FSTL5: variants seen among roughly 807,000 people sequenced by gnomAD.
The protein encoded by FSTL5 is follistatin-related protein 5.
A neutral mutation model predicts 89.1 loss-of-function variants in FSTL5; 62 were observed. That is an observed-to-expected ratio of 0.70 (90% CI 0.57 to 0.86). The LOEUF (loss-of-function observed/expected upper bound fraction) is 0.86, where lower values mean the gene tolerates loss of function less well. FSTL5 is among the 40% of genes least tolerant of loss of function. FSTL5 has a pLI of 0.00. For missense variants in FSTL5, 1,057 were observed against 1,001.6 expected (o/e 1.06, Z -0.75); for synonymous variants, 383 against 346.2 (o/e 1.11, Z -1.18).
intron 7 of FSTL5, among the ~76,000 whole-genome samples, chr4:161,655,912 A>G (rs1736498154): frequency 6.6e-6 from 1 of 152,132 alleles, no homozygotes; most frequent in Non-Finnish European, 1.5e-5. Flanking sequence ...CACATTTCCT[A>G]TTGATGGCAT....
intron 4 of FSTL5, among the ~76,000 whole-genome samples, chr4:161,793,340 C>T (rs1729536507): frequency 6.6e-6 from 1 of 152,198 alleles, no homozygotes; most frequent in Non-Finnish European, 1.5e-5. Flanking sequence ...ACCATGGCAA[C>T]AGAGGTTTCC....
chr4:161,445,314 T>C (rs2126377621), intron 15 of FSTL5, among the ~76,000 whole-genome samples: 1 of 152,028 alleles, frequency 6.6e-6, no homozygotes, highest in Admixed American at 6.6e-5. Context: ...AAATTGTCAT[T>C]CATTTACTTC....
intron 1 of FSTL5, among the ~76,000 whole-genome samples, chr4:162,155,961 C>T (rs1223640553): frequency 6.6e-6 from 1 of 152,088 alleles, no homozygotes; most frequent in Non-Finnish European, 1.5e-5. Flanking sequence ...AACACAGTGG[C>T]ATTTTAAAGC....
In FSTL5 at chr4:161,385,673, G is replaced by A. The variant is rs181618554; in HGVS notation, c.*74C>T. On this transcript the variant is annotated 3_prime_UTR_variant, in exon 16 of 16. Transcript: ENST00000306100. The stretch of plus-strand genomic sequence containing the variant: ...CTAGGATATAAACTTGGAAAGTTAA[G>A]TTGTAAATTTAAACAATGGATTAAG... The A allele has an allele frequency of 1.8e-5, 21 of 1,136,094 alleles. No individual in the cohort carries two copies. The East Asian group carries it at 4.0e-4, about 22-fold the overall frequency. The allele number at this position is 1,136,094 out of a possible 1,614,324, so 70.4% of individuals were successfully genotyped here.
chr4:161,895,203 T>C (rs1158495286), intron 4 of FSTL5, among the ~76,000 whole-genome samples: 1 of 152,198 alleles, frequency 6.6e-6, no homozygotes, highest in Admixed American at 6.5e-5. Context: ...TTTTAGCCAC[T>C]TAACTACACT....
intron 4 of FSTL5, among the ~76,000 whole-genome samples, chr4:161,807,002 T>C (rs1729989096): frequency 6.6e-6 from 1 of 151,990 alleles, no homozygotes. Context: ...AATGAATGAG[T>C]ACAGTAATGA....
chr4:161,852,468 C>G (rs1412165720), intron 4 of FSTL5, among the ~76,000 whole-genome samples: 1 of 152,084 alleles, frequency 6.6e-6, no homozygotes, highest in Non-Finnish European at 1.5e-5. Flanking sequence ...ACAACTGATT[C>G]TGGTGAAGTG....
chr4:161,567,177 T>A (rs1732847398), intron 8 of FSTL5, among the ~76,000 whole-genome samples: 1 of 152,124 alleles, frequency 6.6e-6, no homozygotes, highest in Non-Finnish European at 1.5e-5. Flanking sequence ...TTAAACATAA[T>A]ATGGAAGAAA....
intron 4 of FSTL5, among the ~76,000 whole-genome samples, chr4:161,805,215 A>C (rs1316640682): frequency 1.3e-5 from 2 of 152,140 alleles, no homozygotes; most frequent in African/African-American, 4.8e-5. Flanking sequence ...TACCAAGGGC[A>C]TTCCTGATAC....
chr4:162,137,571 C>T (rs961734157), intron 1 of FSTL5, among the ~76,000 whole-genome samples: 23 of 152,036 alleles, frequency 1.5e-4, no homozygotes, highest in Non-Finnish European at 1.5e-4. Context: ...CTTTTTTGCC[C>T]GAATGACTAG....
At chr4:161,548,953 T>C (rs573722503) in intron 8 of FSTL5, among the ~76,000 whole-genome samples, 24 of 152,024 alleles carry the variant, frequency 1.6e-4, no homozygotes, top group African/African-American at 5.5e-4. Flanking sequence ...CTATCTTTAA[T>C]GTAAATATTA....
At chr4:161,873,040 G>A (rs1291990057) in intron 4 of FSTL5, among the ~76,000 whole-genome samples, 4 of 152,136 alleles carry the variant, frequency 2.6e-5, no homozygotes, top group South Asian at 2.1e-4. Flanking sequence ...AAAAGTTGGG[G>A]CTAGAGACAA....
chr4:162,040,148 G>A (rs1189810826), intron 2 of FSTL5, among the ~76,000 whole-genome samples: 1 of 151,894 alleles, frequency 6.6e-6, no homozygotes, highest in East Asian at 1.9e-4. Context: ...TTACTTCCCA[G>A]ACAAATGCTA....
intron 15 of FSTL5, among the ~76,000 whole-genome samples, chr4:161,437,439 C>A (rs1048742098): frequency 1.3e-5 from 2 of 151,258 alleles, no homozygotes; most frequent in Admixed American, 1.3e-4. Flanking sequence ...TGGTGGCGGG[C>A]GCCTTTAGTC....
At position 162,020,554 on chromosome 4, in the gene FSTL5, C is replaced by A. The variant is rs115682640; in HGVS notation, c.160+13071G>T. ...TCAATAGATGGGGACTATTGTTTGA[C>A]TCTCAATTAGAGAAGAGAAAATGGA... On this transcript the variant is annotated intron_variant, in intron 3 of 15. Coordinates refer to ENST00000306100, the MANE Select transcript of FSTL5 (RefSeq NM_020116.5). 5.6e-3 allele frequency among the ~76,000 whole-genome samples: 851 copies of A among 152,102 alleles called. 11 individuals are homozygous for A. Among genetic ancestry groups the A allele is most frequent in the African/African-American group, 0.02 (814 of 41,530 alleles).
chr4:161,600,262 G>A (rs1302947664), intron 7 of FSTL5, among the ~76,000 whole-genome samples: 2 of 151,314 alleles, frequency 1.3e-5, no homozygotes, highest in African/African-American at 4.9e-5. Flanking sequence ...ATGTCTTAGG[G>A]ATGTATACAT....
At chr4:161,668,273 A>C (rs1281718290) in intron 6 of FSTL5, among the ~76,000 whole-genome samples, 2 of 152,218 alleles carry the variant, frequency 1.3e-5, no homozygotes, top group Non-Finnish European at 2.9e-5. Context: ...ACCTAGGTTA[A>C]ATGGACCAAT....
chr4:162,005,779 G>A (rs1047200374), intron 3 of FSTL5, among the ~76,000 whole-genome samples: 3 of 152,116 alleles, frequency 2.0e-5, no homozygotes, highest in African/African-American at 7.2e-5. Flanking sequence ...GGACACTATG[G>A]GATAAGCACT....
intron 12 of FSTL5, among the ~76,000 whole-genome samples, chr4:161,499,177 G>T (rs915036510): frequency 5.9e-5 from 9 of 152,080 alleles, no homozygotes; most frequent in African/African-American, 1.9e-4. Flanking sequence ...ACTCCAGTCT[G>T]GGTGACAGAG....
Sources: gnomAD v4.1 joint callset for allele counts (sites outside exome capture counted in the v4.1 genomes callset) on GRCh38, gnomAD v4.1.1 for gene constraint, MANE v1.5 for transcripts, NCBI Gene and HGNC (gene_info 2026-07-23, HGNC 2026-07-21) for gene names.